Variants in CDYL2 observed in about 807,000 individuals in gnomAD.
CDYL2 encodes chromodomain Y like 2.
In CDYL2, 23 loss-of-function variants were observed where a neutral mutation model predicts 49.4. The observed-to-expected ratio is 0.47, with a 90% CI of 0.34 to 0.66. The LOEUF (loss-of-function observed/expected upper bound fraction) is 0.66, where lower values mean the gene tolerates loss of function less well. Ranked by LOEUF, CDYL2 falls within the 30% of genes least tolerant of loss-of-function variation. CDYL2 has a pLI of 0.01. For missense variants in CDYL2, 678 were observed against 656.4 expected (o/e 1.03, Z -0.36); for synonymous variants, 360 against 268.8 (o/e 1.34, Z -3.32).
At chr16:80,650,292 A>T (rs1017278430) in intron 2 of CDYL2, among the ~76,000 whole-genome samples, 2 of 152,194 alleles carry the variant, frequency 1.3e-5, no homozygotes, top group Admixed American at 1.3e-4. Flanking sequence ...TAATCCAATT[A>T]AAAAACTGGC....
chr16:80,677,953 G>A (rs1444159058), intron 2 of CDYL2, among the ~76,000 whole-genome samples: 1 of 151,676 alleles, frequency 6.6e-6, no homozygotes, highest in African/African-American at 2.4e-5. Context: ...CAGAAATAAC[G>A]TTGCATATCT....
intron 1 of CDYL2, among the ~76,000 whole-genome samples, chr16:80,704,585 A>T (rs957158530): frequency 6.6e-6 from 1 of 152,276 alleles, no homozygotes; most frequent in Non-Finnish European, 1.5e-5. Context: ...TGTACAAGGT[A>T]GCCAACCTGG....
At chr16:80,754,008 G>A (rs1038151974) in intron 1 of CDYL2, among the ~76,000 whole-genome samples, 1 of 152,180 alleles carries the variant, frequency 6.6e-6, no homozygotes, top group African/African-American at 2.4e-5. Flanking sequence ...ATGGAAGCAT[G>A]CCTTACTGTA....
chr16:80,676,104 A>C (rs1380434292), intron 2 of CDYL2, among the ~76,000 whole-genome samples: 1 of 152,080 alleles, frequency 6.6e-6, no homozygotes, highest in Admixed American at 6.5e-5. Flanking sequence ...AAAGAGTCGG[A>C]TTTCCCATCA....
chr16:80,660,670 A>G (rs1283836654), intron 2 of CDYL2, among the ~76,000 whole-genome samples: 4 of 152,228 alleles, frequency 2.6e-5, no homozygotes, highest in Non-Finnish European at 5.9e-5. Context: ...CTCATATTAA[A>G]AGACAGAGAT....
chr16:80,620,913 G>A lies in CDYL2; in HGVS notation c.857C>T (p.Ala286Val), dbSNP rs368202024. Residue 286 changes from alanine (A) to valine (V), a missense_variant, in exon 4 of 7, where the codon GCG becomes GTG. By Grantham distance (64) the Ala-to-Val change is moderately conservative (BLOSUM62 0). Coordinates refer to ENST00000570137, the MANE Select transcript of CDYL2 (RefSeq NM_152342.4). The part of the protein sequence containing the change: ...TPEIMKEVRR[A>V]LCNAATDDSK... ...GTCGTCTGTGGCTGCGTTGCAGAGCGCTCGCCGGACTTCTTTCATGATCTG... is the reference window on the plus strand; with the variant it reads ...GTCGTCTGTGGCTGCGTTGCAGAGCACTCGCCGGACTTCTTTCATGATCTG... The A allele has an allele frequency of 8.7e-6, 14 of 1,604,222 alleles. No individual in the cohort carries two copies. Among genetic ancestry groups the A allele is most frequent in the African/African-American group, 1.3e-5 (1 of 74,602 alleles).
chr16:80,655,452 A>G (rs544154052), intron 2 of CDYL2, among the ~76,000 whole-genome samples: 235 of 152,280 alleles, frequency 1.5e-3, no homozygotes, highest in Middle Eastern at 6.8e-3. Context: ...ACTAATACCT[A>G]AAAAAATTAC....
intron 1 of CDYL2, among the ~76,000 whole-genome samples, chr16:80,780,693 C>T (rs528295079): frequency 2.8e-4 from 43 of 152,098 alleles, no homozygotes; most frequent in Non-Finnish European, 5.1e-4. Flanking sequence ...TGTGAGCCAC[C>T]GCGCCCGGCC....
intron 1 of CDYL2, among the ~76,000 whole-genome samples, chr16:80,712,477 C>A (rs1904653337): frequency 6.6e-6 from 1 of 152,000 alleles, no homozygotes; most frequent in Admixed American, 6.6e-5. Flanking sequence ...TGTTTCCTCA[C>A]CACCACAGCA....
intron 1 of CDYL2, among the ~76,000 whole-genome samples, chr16:80,695,640 C>T (rs1910587482): frequency 6.6e-6 from 1 of 152,006 alleles, no homozygotes; most frequent in Admixed American, 6.6e-5. Context: ...AGTTTAAAAA[C>T]TGTAAAAAGC....
At chr16:80,637,936 G>A (rs561504225) in intron 2 of CDYL2, among the ~76,000 whole-genome samples, 1 of 152,116 alleles carries the variant, frequency 6.6e-6, no homozygotes, top group African/African-American at 2.4e-5. Context: ...GTTTATGACA[G>A]CATCCAAAAC....
intron 2 of CDYL2, chr16:80,679,820 C>T: frequency 2.2e-6 from 1 of 455,504 alleles, no homozygotes; most frequent in Non-Finnish European, 4.4e-6. Flanking sequence ...AAACTGGGCT[C>T]ACTGGACCAA....
intron 1 of CDYL2, among the ~76,000 whole-genome samples, chr16:80,739,525 G>T (rs866518642): frequency 2.0e-5 from 3 of 152,228 alleles, no homozygotes; most frequent in Non-Finnish European, 4.4e-5. Context: ...TAGGACAAAA[G>T]ATCAGGAGCT....
intron 1 of CDYL2, among the ~76,000 whole-genome samples, chr16:80,721,573 C>A (rs932219232): frequency 3.3e-5 from 5 of 152,234 alleles, no homozygotes; most frequent in Non-Finnish European, 7.3e-5. Context: ...CAAAGCCAAG[C>A]TGCTGGTGAC....
intron 1 of CDYL2, among the ~76,000 whole-genome samples, chr16:80,735,649 G>C (rs1371885638): frequency 6.6e-6 from 1 of 152,156 alleles, no homozygotes; most frequent in Non-Finnish European, 1.5e-5. Flanking sequence ...TAGAGCTCTG[G>C]TGTCTATTCT....
chr16:80,786,142 G>A (rs543566593), intron 1 of CDYL2, among the ~76,000 whole-genome samples: 74 of 151,656 alleles, frequency 4.9e-4, no homozygotes, highest in African/African-American at 1.6e-3. Flanking sequence ...GAGCTTCTGC[G>A]CAGCAAAAGA....
At chr16:80,751,909 G>A (rs940218407) in intron 1 of CDYL2, among the ~76,000 whole-genome samples, 2 of 152,150 alleles carry the variant, frequency 1.3e-5, no homozygotes, top group Admixed American at 6.5e-5. Flanking sequence ...AATTTTCTCA[G>A]GAGATGGGCT....
chr16:80,750,217 AAATAT>A (rs1274902107), intron 1 of CDYL2, among the ~76,000 whole-genome samples: 2 of 152,138 alleles, frequency 1.3e-5, no homozygotes, highest in African/African-American at 4.8e-5. Flanking sequence ...CTAGAACTTA[AAATAT>A]AATAAAAATA....
intron 2 of CDYL2, among the ~76,000 whole-genome samples, chr16:80,661,282 C>T (rs1206732182): frequency 6.6e-6 from 1 of 152,108 alleles, no homozygotes; most frequent in Non-Finnish European, 1.5e-5. Context: ...CCTCAGAAAC[C>T]AGGGTGGCTC....
Sources: allele counts gnomAD v4.1 joint callset (sites outside exome capture counted in the v4.1 genomes callset), GRCh38; gene constraint gnomAD v4.1.1; transcripts MANE v1.5; gene names NCBI Gene and HGNC (gene_info 2026-07-23, HGNC 2026-07-21).